ACSL3: variants seen among roughly 807,000 people sequenced by gnomAD.
ACSL3 encodes acyl-CoA synthetase long chain family member 3.
In ACSL3, 34 loss-of-function variants were observed where a neutral mutation model predicts 84.7. The ratio of observed to expected loss-of-function variants is 0.40; its 90% confidence interval spans 0.31 to 0.53. The LOEUF is 0.53. Ranked by LOEUF, ACSL3 falls within the 20% of genes least tolerant of loss-of-function variation. The pLI is 0.48. For missense variants in ACSL3, 680 were observed against 873.1 expected (o/e 0.78, Z 2.79); for synonymous variants, 315 against 299.4 (o/e 1.05, Z -0.54).
At chr2:222,914,974 A>G (rs1010836194) in intron 4 of ACSL3, among the ~76,000 whole-genome samples, 4 of 152,248 alleles carry the variant, frequency 2.6e-5, no homozygotes, top group African/African-American at 7.2e-5. Context: ...TGGTGGCATC[A>G]TTGCATGAGT....
chr2:222,919,290 C>T (rs772411586), intron 7 of ACSL3, 88 bp downstream of exon 7: 3 of 1,481,594 alleles, frequency 2.0e-6, no homozygotes, highest in Non-Finnish European at 2.7e-6. Flanking sequence ...CTGAGGTTAG[C>T]TCAAATGACA....
intron 1 of ACSL3, among the ~76,000 whole-genome samples, chr2:222,879,459 A>G (rs2106092060): frequency 6.6e-6 from 1 of 152,250 alleles, no homozygotes; most frequent in Admixed American, 6.5e-5. Context: ...GTGATTACTC[A>G]CTGTATGCTC....
At chr2:222,878,838 C>T (rs900909096) in intron 1 of ACSL3, among the ~76,000 whole-genome samples, 2 of 152,202 alleles carry the variant, frequency 1.3e-5, no homozygotes, top group African/African-American at 4.8e-5. Flanking sequence ...CTCTATACAT[C>T]CTACCTGACA....
chr2:222,936,608 T>TCCCCCCCCCTC (rs55915039), intron 16 of ACSL3, among the ~76,000 whole-genome samples: 1 of 131,188 alleles, frequency 7.6e-6, no homozygotes, highest in Non-Finnish European at 1.6e-5. Flanking sequence ...TTCTGCACCC[T>TCCCCCCCCCTC]CCCCCCCCAC....
At chr2:222,910,961 CT>C (rs2106119585) in intron 4 of ACSL3, among the ~76,000 whole-genome samples, 1 of 151,694 alleles carries the variant, frequency 6.6e-6, no homozygotes, top group Admixed American at 6.6e-5. Flanking sequence ...TTTGATTTTT[CT>C]TTTCCAGCCT....
intron 2 of ACSL3, among the ~76,000 whole-genome samples, chr2:222,888,572 G>A (rs541681147): frequency 1.6e-4 from 24 of 152,180 alleles, no homozygotes; most frequent in Admixed American, 7.2e-4. Context: ...ATCTCATTTC[G>A]AAGTCTTTTT....
intron 3 of ACSL3, among the ~76,000 whole-genome samples, chr2:222,908,184 C>T (rs75192029): frequency 0.019 from 2,822 of 152,274 alleles, 34 homozygotes; most frequent in Non-Finnish European, 0.029. Flanking sequence ...TGCTTTCTTG[C>T]GTCATAGTTT....
chr2:222,890,591 A>G (rs138112309), intron 2 of ACSL3, among the ~76,000 whole-genome samples: 2 of 151,688 alleles, frequency 1.3e-5, no homozygotes, highest in Non-Finnish European at 2.9e-5. Context: ...ATTTTCTTTA[A>G]TTTTATTTTT....
chr2:222,921,250 G>T, intron 7 of ACSL3, 30 bp from the exon 8 acceptor site: 1 of 1,585,472 alleles, frequency 6.3e-7, no homozygotes, highest in Non-Finnish European at 8.6e-7. Flanking sequence ...TCATGAAAGT[G>T]TATGTGTGTG....
intron 1 of ACSL3, among the ~76,000 whole-genome samples, chr2:222,871,386 T>G (rs1695298978): frequency 6.6e-6 from 1 of 152,090 alleles, no homozygotes; most frequent in Non-Finnish European, 1.5e-5. Flanking sequence ...GATGGTGAGA[T>G]CAGGGAGTGG....
intron 1 of ACSL3, among the ~76,000 whole-genome samples, chr2:222,870,372 A>AT: frequency 6.6e-6 from 1 of 152,324 alleles, no homozygotes; most frequent in South Asian, 2.1e-4. Context: ...AATAAGCAAG[A>AT]TTCTCATGGA....
chr2:222,924,696 T>C, intron 11 of ACSL3, 101 bp downstream of exon 11: 1 of 1,278,228 alleles, frequency 7.8e-7, no homozygotes, highest in Non-Finnish European at 1.1e-6. Context: ...AAGAAAGAAA[T>C]ATATTTCATA....
At chr2:222,888,549 CCTT>C (rs1251371994) in intron 2 of ACSL3, among the ~76,000 whole-genome samples, 2 of 152,136 alleles carry the variant, frequency 1.3e-5, no homozygotes, top group African/African-American at 2.4e-5. Flanking sequence ...TAGTTGACAT[CCTT>C]CTTTTCAGAA....
intron 1 of ACSL3, among the ~76,000 whole-genome samples, chr2:222,866,321 A>G (rs771805270): frequency 1.3e-5 from 2 of 151,418 alleles, no homozygotes; most frequent in African/African-American, 4.9e-5. Flanking sequence ...AATTTTTTGT[A>G]TTTTCGGTAG....
chr2:222,863,721 T>C (rs1157687463), intron 1 of ACSL3, among the ~76,000 whole-genome samples: 1 of 152,170 alleles, frequency 6.6e-6, no homozygotes, highest in African/African-American at 2.4e-5. Context: ...AACTTAAAAG[T>C]CTCATCATCT....
At chr2:222,862,186 G>A (rs918266715) in intron 1 of ACSL3, among the ~76,000 whole-genome samples, 2 of 152,198 alleles carry the variant, frequency 1.3e-5, no homozygotes, top group Non-Finnish European at 2.9e-5. Flanking sequence ...CGCACTGTTT[G>A]GAGAGCTTTA....
chr2:222,911,732 A>G (rs1301240896), intron 4 of ACSL3, among the ~76,000 whole-genome samples: 1 of 152,264 alleles, frequency 6.6e-6, no homozygotes, highest in Non-Finnish European at 1.5e-5. Context: ...TTCGTGTATC[A>G]GTATAACTGG....
intron 8 of ACSL3, among the ~76,000 whole-genome samples, chr2:222,922,224 A>G (rs1188666323): frequency 3.3e-5 from 5 of 152,182 alleles, no homozygotes; most frequent in African/African-American, 1.2e-4. Flanking sequence ...TCCAATTCCC[A>G]CAACAAGAGT....
At chr2:222,904,473 G>A (rs909393689) in intron 3 of ACSL3, among the ~76,000 whole-genome samples, 3 of 152,094 alleles carry the variant, frequency 2.0e-5, no homozygotes, top group Non-Finnish European at 2.9e-5. Context: ...GTTTTTGTGA[G>A]TCCATTCATG....
Sources: gnomAD v4.1 joint callset for allele counts (sites outside exome capture counted in the v4.1 genomes callset) on GRCh38, gnomAD v4.1.1 for gene constraint, MANE v1.5 for transcripts, NCBI Gene and HGNC (gene_info 2026-07-23, HGNC 2026-07-21) for gene names.